CCDC57: variants seen among roughly 807,000 people sequenced by gnomAD.
CCDC57 encodes the protein coiled-coil domain containing 57.
A neutral mutation model predicts 118.9 loss-of-function variants in CCDC57; 118 were observed. That is an observed-to-expected ratio of 0.99 (90% CI 0.86 to 1.16). The LOEUF (loss-of-function observed/expected upper bound fraction) is 1.16. Among genes scored for constraint, CCDC57 ranks in the 50% most tolerant of loss-of-function variants. CCDC57 has a pLI of 0.00. For missense variants in CCDC57, 1,300 were observed against 1,320.7 expected (o/e 0.98, Z 0.24); for synonymous variants, 527 against 532.9 (o/e 0.99, Z 0.15).
At chr17:82,157,667 C>A in intron 15 of CCDC57, 81 bp downstream of exon 14, 6 of 1,496,796 alleles carry the variant, frequency 4.0e-6, no homozygotes, top group Non-Finnish European at 5.4e-6. Flanking sequence ...ATACAGACAG[C>A]AACGCTGGCA....
intron 13 of CCDC57, among the ~76,000 whole-genome samples, chr17:82,166,508 C>T (rs537696391): frequency 5.1e-4 from 77 of 151,908 alleles, no homozygotes; most frequent in African/African-American, 1.6e-3. Context: ...GATCGAGACC[C>T]TGTCTCTAAA....
exon 9 of CCDC57, chr17:82,183,855 C>G: frequency 6.2e-7 from 1 of 1,613,046 alleles, no homozygotes; most frequent in Non-Finnish European, 8.5e-7. Context: ...CTGAAGGTCT[C>G]TGGAGACCAT....
chr17:82,129,657 C>A (rs1390872174), intron 17 of CCDC57, among the ~76,000 whole-genome samples: 2 of 152,162 alleles, frequency 1.3e-5, no homozygotes, highest in South Asian at 4.1e-4. Flanking sequence ...TCTGATCAGA[C>A]CCTTTGCCTG....
At chr17:82,121,864 G>A (rs1460951956) in intron 19 of CCDC57, among the ~76,000 whole-genome samples, 1 of 152,194 alleles carries the variant, frequency 6.6e-6, no homozygotes, top group African/African-American at 2.4e-5. Context: ...GGGAAGCTCT[G>A]GTTCACGTCA....
At chr17:82,162,148 C>A (rs892661647) in intron 14 of CCDC57, among the ~76,000 whole-genome samples, 3 of 151,966 alleles carry the variant, frequency 2.0e-5, no homozygotes, top group Non-Finnish European at 4.4e-5. Flanking sequence ...TATGGGTACC[C>A]GCCACCACTC....
chr17:82,158,049 CG>C, intron 14 of CCDC57, 101 bp from the exon 14 acceptor site: 5 of 1,458,458 alleles, frequency 3.4e-6, no homozygotes, highest in Non-Finnish European at 4.5e-6. Context: ...CGGGAAAGAA[CG>C]GGGAGCCCGG....
intron 11 of CCDC57, among the ~76,000 whole-genome samples, chr17:82,177,889 C>G (rs920667434): frequency 1.3e-5 from 2 of 152,192 alleles, no homozygotes; most frequent in Non-Finnish European, 2.9e-5. Context: ...TAGGGCAGTC[C>G]TCCCGTGCTG....
chr17:82,193,912 C>A, intron 6 of CCDC57, 70 bp downstream of exon 5: 2 of 1,571,882 alleles, frequency 1.3e-6, no homozygotes, highest in Non-Finnish European at 1.7e-6. Context: ...AAGGTAGAAT[C>A]CCCCAGACTC....
At chr17:82,166,810 G>T (rs1323413374) in intron 13 of CCDC57, among the ~76,000 whole-genome samples, 1 of 152,030 alleles carries the variant, frequency 6.6e-6, no homozygotes, top group African/African-American at 2.4e-5. Context: ...CAGTTACTTG[G>T]CAAGCTAAGG....
intron 16 of CCDC57, among the ~76,000 whole-genome samples, chr17:82,144,196 G>C (rs1437509622): frequency 6.6e-6 from 1 of 152,118 alleles, no homozygotes; most frequent in Non-Finnish European, 1.5e-5. Flanking sequence ...TGTAGTCCCA[G>C]CTACTTGGGA....
rs572357595 is a variant in CCDC57, at chr17:82,183,202, G to A, written c.1211+572C>T. On this transcript the variant is annotated intron_variant, in intron 9 of 19. Coordinates refer to ENST00000665763, the Ensembl canonical transcript of CCDC57. ...TCAAGTGTAGAGTTAAAATGGATGA[G>A]TTTAGCATATGTATTCTGTAATAAA... 5.9e-5 allele frequency among the ~76,000 whole-genome samples: 9 copies of A among 152,330 alleles called. No individual in the cohort carries two copies. The East Asian group carries it at 1.7e-3, about 29-fold the overall frequency.
chr17:82,165,530 G>A (rs1038353162), intron 13 of CCDC57, among the ~76,000 whole-genome samples: 5 of 151,680 alleles, frequency 3.3e-5, no homozygotes, highest in Middle Eastern at 3.5e-3. Context: ...TGGGACCAAC[G>A]GAGCAAGAAG....
chr17:82,119,408 G>A (rs2036364478), intron 19 of CCDC57, among the ~76,000 whole-genome samples: 1 of 151,854 alleles, frequency 6.6e-6, no homozygotes, highest in East Asian at 2.0e-4. Context: ...AGGAATCAAG[G>A]ATCATGCCCC....
At chr17:82,158,040 G>T (rs554571580) in intron 14 of CCDC57, 92 bp from the exon 14 acceptor site, 1 of 1,465,906 alleles carries the variant, frequency 6.8e-7, no homozygotes, top group Non-Finnish European at 9.0e-7. Flanking sequence ...TGTGAGTGCC[G>T]GGAAAGAACG....
intron 19 of CCDC57, among the ~76,000 whole-genome samples, chr17:82,117,313 C>T (rs2036047979): frequency 6.6e-6 from 1 of 152,196 alleles, no homozygotes; most frequent in South Asian, 2.1e-4. Flanking sequence ...GATTGCACCA[C>T]TGTACTGGGC....
chr17:82,183,920 A>G (rs2046517570), exon 9 of CCDC57: 1 of 1,613,466 alleles, frequency 6.2e-7, no homozygotes, highest in Non-Finnish European at 8.5e-7. Context: ...CAGTTGATGC[A>G]TCTTCACGAA....
At chr17:82,179,594 G>A (rs1176348581) in intron 9 of CCDC57, among the ~76,000 whole-genome samples, 1 of 151,858 alleles carries the variant, frequency 6.6e-6, no homozygotes, top group Non-Finnish European at 1.5e-5. Context: ...AGCCCCCAGA[G>A]CAAGTGCAGA....
At position 82,192,006 on chromosome 17, in the gene CCDC57, AAC is replaced by A. The variant is rs1303180676; in HGVS notation, c.851+1748_851+1749del. On this transcript the variant is annotated intron_variant, in intron 7 of 19. Transcript: ENST00000665763. The surrounding 1 kb of genome is among the most constrained non-coding windows in gnomAD (Gnocchi z 4.0). ...TTATGACTTTTTTTTTTTTTTTTGA[AAC>A]AGAGTCTCACTCTGTCACCCAGGCT... Among the ~76,000 whole-genome samples the A allele has an allele frequency of 7.0e-4, 104 of 148,212 alleles. No homozygotes were observed. Among genetic ancestry groups the A allele is most frequent in the African/African-American group, 1.9e-3 (77 of 40,198 alleles).
At chr17:82,211,666 C>T (rs2050188294) in intron 1 of CCDC57, among the ~76,000 whole-genome samples, 1 of 151,806 alleles carries the variant, frequency 6.6e-6, no homozygotes. Flanking sequence ...TTTGTTTTAA[C>T]CTGACTGACT....
Sources: gnomAD v4.1 joint callset for allele counts (sites outside exome capture counted in the v4.1 genomes callset) on GRCh38, gnomAD v4.1.1 for gene constraint, Gnocchi (gnomAD v3.1) non-coding constraint, MANE v1.5 for transcripts, NCBI Gene and HGNC (gene_info 2026-07-23, HGNC 2026-07-21) for gene names.